The following ZNF638 variants were observed in gnomAD, a reference collection of about 807,000 sequenced individuals.
ZNF638 encodes the protein CTCL tumor antigen se33-1.
Under a neutral mutation model 195.6 loss-of-function variants are expected in ZNF638, and 46 were observed. That is an observed-to-expected ratio of 0.24 (90% CI 0.19 to 0.30). The LOEUF (loss-of-function observed/expected upper bound fraction) is 0.30, where lower values mean the gene tolerates loss of function less well. ZNF638 is among the 10% of genes least tolerant of loss of function. The pLI is 1.00. For synonymous variants in ZNF638, 845 were observed against 772.0 expected (o/e 1.09, Z -1.57); for missense variants, 2,440 against 2,325.3 (o/e 1.05, Z -1.01).
intron 10 of ZNF638, 178 bp downstream of exon 10, chr2:71,380,743 A>C: frequency 2.2e-6 from 1 of 463,536 alleles, no homozygotes; most frequent in Non-Finnish European, 3.8e-6. Context: ...TAATTACAGA[A>C]TCACTTCTGG....
chr2:71,373,252 ATATC>A (rs1397901343), intron 8 of ZNF638, among the ~76,000 whole-genome samples: 1 of 151,926 alleles, frequency 6.6e-6, no homozygotes, highest in Non-Finnish European at 1.5e-5. Context: ...ATTGTTAGCT[ATATC>A]TATTAACTGT....
At chr2:71,373,361 C>G (rs1360043776) in intron 8 of ZNF638, among the ~76,000 whole-genome samples, 1 of 149,544 alleles carries the variant, frequency 6.7e-6, no homozygotes, top group Admixed American at 6.6e-5. Flanking sequence ...ATTCTAGACA[C>G]TAATTTTGCA....
intron 3 of ZNF638, among the ~76,000 whole-genome samples, chr2:71,362,808 T>C (rs909889814): frequency 6.6e-6 from 1 of 152,206 alleles, no homozygotes; most frequent in African/African-American, 2.4e-5. Context: ...AGTTGCCATA[T>C]GGAATATGAT....
intron 3 of ZNF638, among the ~76,000 whole-genome samples, chr2:71,362,232 T>C (rs62145699): frequency 5.9e-5 from 9 of 152,200 alleles, no homozygotes; most frequent in Admixed American, 2.6e-4. Flanking sequence ...AAGTTGTCGA[T>C]GTGCCTAAGA....
chr2:71,392,981 T>A (rs4852780), intron 10 of ZNF638, among the ~76,000 whole-genome samples: 1 of 152,042 alleles, frequency 6.6e-6, no homozygotes. Flanking sequence ...CTTTTAACTT[T>A]TGCGTTTATG....
intron 1 of ZNF638, among the ~76,000 whole-genome samples, chr2:71,342,416 T>G (rs2078777556): frequency 6.6e-6 from 1 of 152,144 alleles, no homozygotes; most frequent in Non-Finnish European, 1.5e-5. Context: ...ACATGTTCAC[T>G]CTTTCCCTCA....
Position 71,340,993 on chromosome 2 carries a change from A to T in ZNF638, c.-202-7760A>T, listed in dbSNP as rs78109445. On this transcript the variant is annotated intron_variant, in intron 1 of 27. Transcript: ENST00000264447. ...GTCTGATGGAGCCATTATCTGATGG[A>T]TTGATTTTTGATGATGGTTTTGGAT... Among the ~76,000 whole-genome samples the T allele has an allele frequency of 2.5e-3, 385 of 152,304 alleles. 9 individuals carry two copies. The East Asian group carries it at 0.047, about 18-fold the overall frequency.
At chr2:71,336,671 A>G (rs576397422) in intron 1 of ZNF638, among the ~76,000 whole-genome samples, 91 of 152,306 alleles carry the variant, frequency 6.0e-4, no homozygotes, top group African/African-American at 2.1e-3. Context: ...AGGATGAAAC[A>G]GGCTTGGATT....
intron 10 of ZNF638, among the ~76,000 whole-genome samples, chr2:71,381,981 G>A (rs1449738784): frequency 6.6e-6 from 1 of 152,038 alleles, no homozygotes; most frequent in African/African-American, 2.4e-5. Flanking sequence ...GCTTCACTTT[G>A]GGATGATGAG....
intron 5 of ZNF638, among the ~76,000 whole-genome samples, chr2:71,365,119 A>G (rs903916767): frequency 4.6e-5 from 7 of 152,178 alleles, no homozygotes; most frequent in Non-Finnish European, 1.0e-4. Flanking sequence ...TTTTGCACCA[A>G]CCTAACATAT....
chr2:71,417,134 G>A (rs3982218), intron 20 of ZNF638, among the ~76,000 whole-genome samples: 1 of 149,222 alleles, frequency 6.7e-6, no homozygotes, highest in Admixed American at 6.7e-5. Flanking sequence ...GCGAGATTCC[G>A]TGGGCATAGG....
intron 1 of ZNF638, among the ~76,000 whole-genome samples, chr2:71,335,819 G>A (rs1276689769): frequency 6.6e-6 from 1 of 152,170 alleles, no homozygotes; most frequent in Non-Finnish European, 1.5e-5. Flanking sequence ...TATTCAGACA[G>A]ATATCAAATT....
intron 17 of ZNF638, among the ~76,000 whole-genome samples, chr2:71,404,297 G>A (rs966339178): frequency 1.3e-5 from 2 of 152,090 alleles, no homozygotes; most frequent in Non-Finnish European, 2.9e-5. Flanking sequence ...CTAGAATTCT[G>A]GAAGTTATCT....
intron 10 of ZNF638, among the ~76,000 whole-genome samples, chr2:71,386,293 C>CAAAAAA (rs58219651): frequency 1.2e-5 from 1 of 85,222 alleles, no homozygotes; most frequent in Non-Finnish European, 2.3e-5. Flanking sequence ...GACCTTGTCT[C>CAAAAAA]AAAAAAAAAA....
In ZNF638 at chr2:71,423,412, A is replaced by G. The variant is rs1158778169; in HGVS notation, c.3898A>G (p.Ile1300Val). The change falls in exon 22 of 28, where the codon ATT becomes GTT. Residue 1300 changes from isoleucine to valine, a missense_variant. Coordinates refer to ENST00000264447, the MANE Select transcript of ZNF638 (RefSeq NM_014497.5). ...GDEKTVDKKN[I>V]SEKKGNMDEK... ...TGAGAAGACAGTGGACAAAAAGAAT[A>G]TTTCTGAAAAAAAAGGTAACATGGA... The G allele has an allele frequency of 8.1e-6, 13 of 1,613,884 alleles. No homozygotes were observed. The highest frequency in any genetic ancestry group is 1.0e-5 in the Non-Finnish European group (12 of 1,179,956).
In ZNF638 at chr2:71,408,148, A is replaced by G. The variant is rs758293747; in HGVS notation, c.3162A>G (p.Glu1054=). 18 of 1,612,890 alleles carry G rather than the reference A, an allele frequency of 1.1e-5. No homozygotes were observed. In the East Asian group the frequency reaches 4.0e-4, roughly 36 times the overall value. The part of the protein sequence containing the change: ...NKAILQLDSP[E]SAQSMYSFLK... ...CAATTCTTCAGTTAGATAGTCCTGAATCTGCTCAGTCAATGTATAGCTTTC... is the reference window on the plus strand; with the variant it reads ...CAATTCTTCAGTTAGATAGTCCTGAGTCTGCTCAGTCAATGTATAGCTTTC... The change falls in exon 20 of 28, where the codon GAA becomes GAG. Residue 1054 remains glutamate, a synonymous_variant. Transcript: ENST00000264447.
intron 11 of ZNF638, among the ~76,000 whole-genome samples, chr2:71,397,430 G>A (rs1339233671): frequency 6.6e-6 from 1 of 152,148 alleles, no homozygotes; most frequent in Non-Finnish European, 1.5e-5. Context: ...AAAGATTATG[G>A]ACTGTCTTGA....
At chr2:71,369,319 T>G (rs927587385) in intron 7 of ZNF638, among the ~76,000 whole-genome samples, 9 of 88,894 alleles carry the variant, frequency 1.0e-4, no homozygotes, top group African/African-American at 4.0e-4. Context: ...TAAGGCTCCG[T>G]CTCAAAAAAA....
At chr2:71,358,526 G>A (rs1263363803) in intron 3 of ZNF638, among the ~76,000 whole-genome samples, 2 of 152,170 alleles carry the variant, frequency 1.3e-5, no homozygotes, top group Non-Finnish European at 2.9e-5. Context: ...CTTCGATCTG[G>A]CATCCTCTGG....
Sources: allele counts gnomAD v4.1 joint callset (sites outside exome capture counted in the v4.1 genomes callset), GRCh38; gene constraint gnomAD v4.1.1; transcripts MANE v1.5; gene names NCBI Gene and HGNC (gene_info 2026-07-23, HGNC 2026-07-21).